Variants in RGL1 observed in about 807,000 individuals in gnomAD.
The protein encoded by RGL1 is ral guanine nucleotide dissociation stimulator like 1, also known as ral guanine nucleotide dissociation stimulator-like 1.
A neutral mutation model predicts 95.2 loss-of-function variants in RGL1; 24 were observed. That is an observed-to-expected ratio of 0.25 (90% CI 0.18 to 0.35). The LOEUF (loss-of-function observed/expected upper bound fraction) is 0.35. RGL1 is among the 10% of genes least tolerant of loss of function. The pLI is 1.00. For missense variants in RGL1, 715 were observed against 936.3 expected (o/e 0.76, Z 3.08); for synonymous variants, 329 against 344.9 (o/e 0.95, Z 0.51).
rs1198798487 is a variant in RGL1 at position 183,684,643 on chromosome 1, A to G, written c.-33+48142A>G. On this transcript the variant is annotated intron_variant, in intron 1 of 18. Coordinates refer to the RGL1 transcript ENST00000304685. ...CCAGGCGCCACTGGGGTATGAAAAA[A>G]ACTTCTGCAGCTAGCTTGGTGTCTG... Among the ~76,000 whole-genome samples the G allele has an allele frequency of 2.0e-5, 3 of 152,226 alleles. No homozygotes were observed. The East Asian group carries it at 5.8e-4, about 29-fold the overall frequency.
intron 9 of RGL1, among the ~76,000 whole-genome samples, chr1:183,896,476 A>G (rs534093556): frequency 9.8e-4 from 150 of 152,334 alleles, no homozygotes; most frequent in African/African-American, 3.4e-3. Flanking sequence ...GTTCTGTCCC[A>G]GTAGTGTACC....
chr1:183,693,514 C>T (rs1654079638), intron 1 of RGL1, among the ~76,000 whole-genome samples: 1 of 151,492 alleles, frequency 6.6e-6, no homozygotes, highest in Non-Finnish European at 1.5e-5. Flanking sequence ...ATCATTCCTC[C>T]CCTCCTTACT....
intron 16 of RGL1, among the ~76,000 whole-genome samples, chr1:183,918,246 T>A (rs1348117473): frequency 6.6e-6 from 1 of 152,132 alleles, no homozygotes; most frequent in Non-Finnish European, 1.5e-5. Flanking sequence ...GATCAAATAC[T>A]GGGAGTTGTC....
At chr1:183,911,340 T>C (rs1008766270) in intron 14 of RGL1, among the ~76,000 whole-genome samples, 1 of 152,228 alleles carries the variant, frequency 6.6e-6, no homozygotes, top group Non-Finnish European at 1.5e-5. Context: ...TTTTCTGGCC[T>C]ATCTTTTTAG....
At chr1:183,708,720 G>A (rs906299719) in intron 1 of RGL1, among the ~76,000 whole-genome samples, 3 of 152,198 alleles carry the variant, frequency 2.0e-5, no homozygotes, top group Non-Finnish European at 4.4e-5. Flanking sequence ...GAGGCCACGT[G>A]GATTTTTCTC....
At chr1:183,900,890 C>T (rs946893935) in intron 11 of RGL1, among the ~76,000 whole-genome samples, 3 of 151,800 alleles carry the variant, frequency 2.0e-5, no homozygotes, top group Admixed American at 6.6e-5. Flanking sequence ...TAAGGCCGGG[C>T]GCGATGTCTC....
intron 2 of RGL1, among the ~76,000 whole-genome samples, chr1:183,753,219 G>A (rs566605789): frequency 8.6e-5 from 13 of 152,040 alleles, no homozygotes; most frequent in East Asian, 1.9e-4. Context: ...TTCCAATTCC[G>A]TAATTCTCTC....
In RGL1 at chr1:183,907,087, G is replaced by A; in HGVS notation, c.1548G>A (p.Val516=). ...TTSPKPRKSM[V]KRLSLLFLGS... ...CGCCCAAGCCTCGGAAGAGCATGGT[G>A]AAGAGACTCAGCCTGTGAGTGTCCC... The change falls in exon 14 of 18, where the codon GTG becomes GTA. Residue 516 remains valine (V), a synonymous_variant. Coordinates refer to ENST00000360851, the MANE Select transcript of RGL1 (RefSeq NM_001297671.3). 6.2e-7 allele frequency: 1 copy of A among 1,608,260 alleles called. No homozygotes were observed. The highest frequency in any genetic ancestry group is 1.1e-5 in the South Asian group (1 of 90,486).
chr1:183,665,518 T>C (rs1380488348), intron 1 of RGL1, among the ~76,000 whole-genome samples: 1 of 152,220 alleles, frequency 6.6e-6, no homozygotes, highest in African/African-American at 2.4e-5. Flanking sequence ...TGCCTGGTGC[T>C]ATATGTTTTG....
At chr1:183,888,260 A>G (rs10911460) in intron 7 of RGL1, among the ~76,000 whole-genome samples, 89,115 of 151,952 alleles carry the variant, frequency 0.59, 26,335 homozygotes, top group African/African-American at 0.66. Context: ...TATATTGACG[A>G]GAGAAAAACA....
At chr1:183,747,078 C>A (rs1657686750) in intron 2 of RGL1, among the ~76,000 whole-genome samples, 1 of 152,014 alleles carries the variant, frequency 6.6e-6, no homozygotes, top group African/African-American at 2.4e-5. Context: ...GGGTTGGTTC[C>A]AAGTCTTTGC....
At chr1:183,815,208 A>T (rs112292621) in intron 2 of RGL1, among the ~76,000 whole-genome samples, 2,893 of 152,020 alleles carry the variant, frequency 0.019, 85 homozygotes, top group African/African-American at 0.065. Context: ...TGGGAAGTGG[A>T]GGTTGCAGTG....
In RGL1 at chr1:183,748,394, C is replaced by CTTTTTTTTT. The variant is rs56920504; in HGVS notation, c.132+6126_132+6134dup. 9.0e-4 allele frequency among the ~76,000 whole-genome samples: 63 copies of CTTTTTTTTT among 69,720 alleles called. 3 individuals carry two copies. The highest frequency in any genetic ancestry group is 1.7e-3 in the African/African-American group (25 of 15,088). 45.7% of individuals were successfully genotyped at this position (69,720 alleles called of 152,430 possible). A position where few individuals can be genotyped will look rare whatever the true frequency, so the allele number is the denominator to read the frequency against. ...TTTGAATTTGTTTGCTTCTCTAGTT[C>CTTTTTTTTT]TTTTTTTTTTTTTTTTTTTTTTTTT... On this transcript the variant is annotated intron_variant, in intron 2 of 18. Coordinates refer to the RGL1 transcript ENST00000304685.
intron 3 of RGL1, among the ~76,000 whole-genome samples, chr1:183,861,013 G>C (rs887406339): frequency 3.3e-5 from 5 of 152,086 alleles, no homozygotes; most frequent in African/African-American, 1.2e-4. Context: ...CCTGCTGCAC[G>C]TATTAGTTGT....
chr1:183,707,236 T>TA (rs1654977336), intron 1 of RGL1, among the ~76,000 whole-genome samples: 1 of 152,100 alleles, frequency 6.6e-6, no homozygotes, highest in African/African-American at 2.4e-5. Flanking sequence ...AGGGTCCAGA[T>TA]ACGGTCCCAG....
At chr1:183,895,803 G>A (rs556631615) in intron 9 of RGL1, among the ~76,000 whole-genome samples, 3 of 152,214 alleles carry the variant, frequency 2.0e-5, no homozygotes, top group African/African-American at 4.8e-5. Context: ...GGGACTCGTC[G>A]GTCTTTTTAG....
chr1:183,753,009 A>G (rs1658119962), intron 2 of RGL1, among the ~76,000 whole-genome samples: 1 of 152,134 alleles, frequency 6.6e-6, no homozygotes, highest in Admixed American at 6.5e-5. Flanking sequence ...GGGCTTCTCA[A>G]ATAGATGAAT....
At chr1:183,691,717 A>G (rs772324118) in intron 1 of RGL1, among the ~76,000 whole-genome samples, 4 of 152,176 alleles carry the variant, frequency 2.6e-5, no homozygotes, top group Non-Finnish European at 5.9e-5. Context: ...AGTAAGCCAT[A>G]TTTTTACATA....
chr1:183,644,474 G>A (rs752219692), intron 1 of RGL1, among the ~76,000 whole-genome samples: 6 of 152,018 alleles, frequency 3.9e-5, no homozygotes, highest in Non-Finnish European at 7.4e-5. Context: ...TGCCCAGGCT[G>A]GAGTGTAGTG....
Sources: allele counts gnomAD v4.1 joint callset (sites outside exome capture counted in the v4.1 genomes callset), GRCh38; gene constraint gnomAD v4.1.1; transcripts MANE v1.5; gene names NCBI Gene and HGNC (gene_info 2026-07-23, HGNC 2026-07-21).